Variants in GRK5 observed in about 807,000 individuals in gnomAD.
The protein encoded by GRK5 is G protein-coupled receptor kinase 5.
Under a neutral mutation model 78.4 loss-of-function variants are expected in GRK5, and 40 were observed. That is an observed-to-expected ratio of 0.51 (90% CI 0.40 to 0.66). The LOEUF (loss-of-function observed/expected upper bound fraction) is 0.66. Among genes scored for constraint, GRK5 ranks in the 30% least tolerant of loss-of-function variants. The pLI is 0.00. For synonymous variants in GRK5, 289 were observed against 296.8 expected, an observed-to-expected ratio of 0.97 and a Z score of 0.27; for missense variants, 598 against 759.9, an observed-to-expected ratio of 0.79 and a Z score of 2.50.
intron 1 of GRK5, among the ~76,000 whole-genome samples, chr10:119,320,533 A>T (rs1030372032): frequency 1.3e-5 from 2 of 152,224 alleles, no homozygotes; most frequent in African/African-American, 4.8e-5. Context: ...CTTCCTACAC[A>T]CTTCCATGGC....
chr10:119,423,302 G>T, intron 5 of GRK5, 36 bp downstream of exon 5: 1 of 1,470,930 alleles, frequency 6.8e-7, no homozygotes, highest in Non-Finnish European at 9.5e-7. Context: ...TCCTCCCCGG[G>T]CTGCCCAGAG....
At chr10:119,211,260 T>G (rs1437709082) in intron 1 of GRK5, among the ~76,000 whole-genome samples, 2 of 152,186 alleles carry the variant, frequency 1.3e-5, no homozygotes, top group Non-Finnish European at 2.9e-5. Context: ...GAGACTGAAT[T>G]CATGGCAATT....
chr10:119,352,506 A>C (rs1312677356), intron 2 of GRK5, among the ~76,000 whole-genome samples: 1 of 152,214 alleles, frequency 6.6e-6, no homozygotes, highest in Non-Finnish European at 1.5e-5. Flanking sequence ...CTTACAGCAG[A>C]TCGAACTGCT....
rs1589749731 is a variant in GRK5 at position 119,332,741 on chromosome 10, C to T, written c.148+6130C>T. ...CCTCCTCCTCCATTCACAAGCTGGTCTCCCTTTTGTCCTTTGAATAACACA... is the reference window on the plus strand; with the variant it reads ...CCTCCTCCTCCATTCACAAGCTGGTTTCCCTTTTGTCCTTTGAATAACACA... On this transcript the variant is annotated intron_variant, in intron 2 of 15. Coordinates refer to ENST00000392870, the MANE Select transcript of GRK5 (RefSeq NM_005308.3). Among the ~76,000 whole-genome samples, 5 of 152,266 alleles carry T rather than the reference C, an allele frequency of 3.3e-5. 1 individual carries two copies. The South Asian group carries it at 1.0e-3, about 32-fold the overall frequency.
At position 119,458,929 on chromosome 10, in the gene GRK5, T is replaced by A. The variant is rs1393045449; in HGVS notation, c.*3862T>A. 1.3e-5 allele frequency: 2 copies of A among 151,990 alleles called. No individual in the cohort carries two copies. The highest frequency in any genetic ancestry group is 2.9e-5 in the Non-Finnish European group (2 of 67,992). The allele number at this position is 151,990 out of a possible 1,614,324, so 9.4% of individuals were successfully genotyped here. On this transcript the variant is annotated 3_prime_UTR_variant, in exon 16 of 16. Transcript: ENST00000392870. ...AGGGGACGGTGGCTTCCTGGATAATTGGAAATCTCTGAGAAGAAGAGGAAA... is the reference window on the plus strand; with the variant it reads ...AGGGGACGGTGGCTTCCTGGATAATAGGAAATCTCTGAGAAGAAGAGGAAA...
rs568882672 is a variant in GRK5 at position 119,369,703 on chromosome 10, G to T, written c.149-11112G>T. Among the ~76,000 whole-genome samples the T allele has an allele frequency of 1.6e-3, 249 of 152,278 alleles. 1 individual carries two copies. The highest frequency in any genetic ancestry group is 5.4e-3 in the African/African-American group (225 of 41,550). On this transcript the variant is annotated intron_variant, in intron 2 of 15. Coordinates refer to ENST00000392870, the MANE Select transcript of GRK5 (RefSeq NM_005308.3). ...CTGATGCGCCAGGTGCCTTTTCTGCGGACGCCTCTTTGGTGTCCCCAGGCT... is the reference window on the plus strand; with the variant it reads ...CTGATGCGCCAGGTGCCTTTTCTGCTGACGCCTCTTTGGTGTCCCCAGGCT...
At chr10:119,229,997 G>A (rs759082459) in intron 1 of GRK5, among the ~76,000 whole-genome samples, 3 of 152,184 alleles carry the variant, frequency 2.0e-5, no homozygotes, top group African/African-American at 4.8e-5. Flanking sequence ...TGAGGTTACG[G>A]GGTGTGAGGG....
rs935849282 is a variant in GRK5 at position 119,271,870 on chromosome 10, C to T, written c.53-54646C>T. ...TCATCTGTGAAGACAGCACTAACCT[C>T]GTAGGTACTCGGGAGGCTGAAGGAG... On this transcript the variant is annotated intron_variant, in intron 1 of 15. Coordinates refer to ENST00000392870, the MANE Select transcript of GRK5 (RefSeq NM_005308.3). The surrounding 1 kb of genome is among the most constrained non-coding windows in gnomAD (Gnocchi z 4.1). Among the ~76,000 whole-genome samples the T allele has an allele frequency of 2.0e-5, 3 of 152,202 alleles. No homozygotes were observed. The highest frequency in any genetic ancestry group is 7.2e-5 in the African/African-American group (3 of 41,436).
At chr10:119,318,903 T>G (rs1486263123) in intron 1 of GRK5, among the ~76,000 whole-genome samples, 4 of 152,090 alleles carry the variant, frequency 2.6e-5, no homozygotes, top group Non-Finnish European at 5.9e-5. Context: ...ATGGCAGTTT[T>G]TTGGGTGGAA....
intron 1 of GRK5, among the ~76,000 whole-genome samples, chr10:119,239,490 C>T (rs926532663): frequency 2.0e-5 from 3 of 152,146 alleles, no homozygotes; most frequent in Non-Finnish European, 2.9e-5. Context: ...TCTGCCTCAG[C>T]CTCCCAAAGT....
intron 4 of GRK5, among the ~76,000 whole-genome samples, chr10:119,402,985 C>G (rs191184444): frequency 2.0e-4 from 30 of 152,348 alleles, no homozygotes; most frequent in Admixed American, 6.5e-4. Flanking sequence ...TTATAACCAT[C>G]ACTGCTTTCT....
intron 6 of GRK5, among the ~76,000 whole-genome samples, chr10:119,429,260 G>T (rs1852768311): frequency 6.6e-6 from 1 of 152,144 alleles, no homozygotes; most frequent in Non-Finnish European, 1.5e-5. Context: ...GAGTGCGGCT[G>T]TGGTGCCACA....
At position 119,412,747 on chromosome 10, in the gene GRK5, C is replaced by T. The variant is rs558851564; in HGVS notation, c.340-10419C>T. Among the ~76,000 whole-genome samples the T allele has an allele frequency of 9.8e-5, 15 of 152,312 alleles. No homozygotes were observed. Among genetic ancestry groups the T allele is most frequent in the Admixed American group, 5.9e-4 (9 of 15,296 alleles). ...CCCTCAAGTGAGGAAATGCTCTCTG[C>T]GCCTGCTGCTCAGCAAACCTTTTTC... On this transcript the variant is annotated intron_variant, in intron 4 of 15. Coordinates refer to ENST00000392870, the MANE Select transcript of GRK5 (RefSeq NM_005308.3). This position sits in a 1 kb window ranked among gnomAD's most constrained non-coding sequence, Gnocchi z 4.3.
chr10:119,375,076 T>C (rs1398334904), intron 2 of GRK5, among the ~76,000 whole-genome samples: 1 of 152,216 alleles, frequency 6.6e-6, no homozygotes, highest in African/African-American at 2.4e-5. Flanking sequence ...TTCTCGCCCC[T>C]TCACGCCTCA....
In GRK5 at chr10:119,442,615, C is replaced by A. The variant is rs1004797869; in HGVS notation, c.1057+527C>A. Among the ~76,000 whole-genome samples, 3 of 152,308 alleles carry A rather than the reference C, an allele frequency of 2.0e-5. No individual in the cohort carries two copies. In the Middle Eastern group the frequency reaches 0.01, roughly 518 times the overall value. On this transcript the variant is annotated intron_variant, in intron 11 of 15. Transcript: ENST00000392870. ...TTAAGTCCTGTGCCCTAGAATCCCCCGTCCAATTGGGGGCACGCCCTGGGC... is the reference window on the plus strand; with the variant it reads ...TTAAGTCCTGTGCCCTAGAATCCCCAGTCCAATTGGGGGCACGCCCTGGGC...
At chr10:119,222,322 A>G (rs1035187882) in intron 1 of GRK5, among the ~76,000 whole-genome samples, 4 of 151,838 alleles carry the variant, frequency 2.6e-5, no homozygotes, top group Admixed American at 2.6e-4. Flanking sequence ...GTGTAAATGT[A>G]TCAGGTCGGG....
At chr10:119,344,212 G>C (rs1851035287) in intron 2 of GRK5, among the ~76,000 whole-genome samples, 3 of 150,956 alleles carry the variant, frequency 2.0e-5, no homozygotes, top group African/African-American at 7.3e-5. Context: ...TAAGTTCTAG[G>C]GTACATGTGC....
chr10:119,422,743 G>A (rs1183093556), intron 4 of GRK5, among the ~76,000 whole-genome samples: 3 of 152,252 alleles, frequency 2.0e-5, no homozygotes, highest in African/African-American at 7.2e-5. Flanking sequence ...GATGAGCTGG[G>A]TCACGCTGCA....
At chr10:119,447,640 C>A (rs997469870) in intron 12 of GRK5, among the ~76,000 whole-genome samples, 1 of 152,158 alleles carries the variant, frequency 6.6e-6, no homozygotes, top group Non-Finnish European at 1.5e-5. Flanking sequence ...CACCTTGATG[C>A]GTCCTCTGAG....
Sources: gnomAD v4.1 joint callset for allele counts (sites outside exome capture counted in the v4.1 genomes callset) on GRCh38, gnomAD v4.1.1 for gene constraint, Gnocchi (gnomAD v3.1) non-coding constraint, MANE v1.5 for transcripts, NCBI Gene and HGNC (gene_info 2026-07-23, HGNC 2026-07-21) for gene names.